The following OLFM1 variants were observed in gnomAD, a reference collection of about 807,000 sequenced individuals.
OLFM1 encodes noelin.
Under a neutral mutation model 49.7 loss-of-function variants are expected in OLFM1, and 9 were observed. That is an observed-to-expected ratio of 0.18 (90% CI 0.11 to 0.32). The LOEUF is 0.32. Ranked by LOEUF, OLFM1 falls within the 10% of genes least tolerant of loss-of-function variation. OLFM1 has a pLI of 1.00. For missense variants in OLFM1, 369 were observed against 661.8 expected, an observed-to-expected ratio of 0.56 and a Z score of 4.85; for synonymous variants, 240 against 271.8, an observed-to-expected ratio of 0.88 and a Z score of 1.15.
chr9:135,114,608 G>A (rs932485124), intron 5 of OLFM1, among the ~76,000 whole-genome samples: 5 of 151,942 alleles, frequency 3.3e-5, no homozygotes, highest in East Asian at 1.9e-4. Flanking sequence ...GGATGGGGAC[G>A]GGGTGGAGGG....
intron 2 of OLFM1, among the ~76,000 whole-genome samples, chr9:135,091,531 AGT>A (rs1564270415): frequency 1.3e-5 from 2 of 149,306 alleles, no homozygotes; most frequent in South Asian, 2.2e-4. Flanking sequence ...ATAGTCACAC[AGT>A]CACACTCACA....
At chr9:135,092,541 T>TCTG (rs1376440858) in intron 2 of OLFM1, among the ~76,000 whole-genome samples, 3 of 152,208 alleles carry the variant, frequency 2.0e-5, no homozygotes, top group Non-Finnish European at 4.4e-5. Context: ...AGCCTTTAAT[T>TCTG]ATTCAGAAGC....
chr9:135,119,594 C>T lies in OLFM1; in HGVS notation c.874C>T (p.His292Tyr), dbSNP rs1040981194. The T allele has an allele frequency of 9.9e-6, 16 of 1,614,046 alleles. No individual in the cohort carries two copies. Among genetic ancestry groups the T allele is most frequent in the African/African-American group, 1.3e-5 (1 of 74,934 alleles). ...DFMNTDNFTS[H>Y]RLPHPWSGTG... ...CATGAACACGGACAATTTCACCTCC[C>T]ACCGTCTCCCCCACCCCTGGTCGGG... Residue 292 changes from histidine (H) to tyrosine (Y), a missense_variant, in exon 6 of 6, where the codon CAC becomes TAC. By Grantham distance (83) the His-to-Tyr change is moderately conservative. Around this residue, in one of 3 missense-constraint regions of OLFM1, gnomAD observed 294 missense variants for 567.5 expected, o/e 0.52. Coordinates refer to ENST00000371793, the MANE Select transcript of OLFM1 (RefSeq NM_001282611.2).
intron 4 of OLFM1, among the ~76,000 whole-genome samples, chr9:135,101,448 C>T (rs550312811): frequency 1.3e-5 from 2 of 152,366 alleles, no homozygotes; most frequent in South Asian, 4.1e-4. Flanking sequence ...AAGCCCAGAA[C>T]ATACTCAGAA....
chr9:135,075,867 C>T, intron 1 of OLFM1: 1 of 1,502,978 alleles, frequency 6.7e-7, no homozygotes, highest in Non-Finnish European at 8.9e-7. Flanking sequence ...GGGAGCCCCA[C>T]AAAGTCCGGG....
chr9:135,075,657 G>GCGCGTC, exon 1 of OLFM1: 5 of 1,381,374 alleles, frequency 3.6e-6, no homozygotes, highest in Non-Finnish European at 4.9e-6. Flanking sequence ...CAGAGCCGGA[G>GCGCGTC]CGCGTCCGCG....
intron 5 of OLFM1, among the ~76,000 whole-genome samples, chr9:135,110,611 C>T (rs574944750): frequency 6.4e-4 from 97 of 152,308 alleles, no homozygotes; most frequent in African/African-American, 2.2e-3. Flanking sequence ...ATCCGCCCGC[C>T]GCCAGTGGTG....
At position 135,094,159 on chromosome 9, in the gene OLFM1, C is replaced by T. The variant is rs563979697; in HGVS notation, c.301-1705C>T. On this transcript the variant is annotated intron_variant, in intron 2 of 5. Coordinates refer to ENST00000371793, the MANE Select transcript of OLFM1 (RefSeq NM_001282611.2). ...CCGCCATTTGTATTGTTGCTTCCTC[C>T]GGCCATGTGGCTGCAGGAGCTACTC... Among the ~76,000 whole-genome samples the T allele has an allele frequency of 8.5e-5, 13 of 152,192 alleles. No homozygotes were observed. In the East Asian group the frequency reaches 1.7e-3, roughly 20 times the overall value.
rs1482216500 is a variant in OLFM1, at chr9:135,113,669, G to T, written c.784-5835G>T. Among the ~76,000 whole-genome samples, 1 of 152,226 alleles carries T rather than the reference G, an allele frequency of 6.6e-6. No homozygotes were observed. The highest frequency in any genetic ancestry group is 1.5e-5 in the Non-Finnish European group (1 of 68,044). On this transcript the variant is annotated intron_variant, in intron 5 of 5. Coordinates refer to ENST00000371793, the MANE Select transcript of OLFM1 (RefSeq NM_001282611.2). This position sits in a 1 kb window ranked among gnomAD's most constrained non-coding sequence, Gnocchi z 4.0. ...AGAGCAGTGCCTGGGAGGCCAGAAA[G>T]CTTTGGCAGACCCACGGTGTGCCCT...
At chr9:135,095,322 C>G (rs1022164819) in intron 2 of OLFM1, 10 of 152,626 alleles carry the variant, frequency 6.6e-5, no homozygotes, top group African/African-American at 2.2e-4. Flanking sequence ...GAGCAGCTCC[C>G]TTGTTCCTTC....
Position 135,120,202 on chromosome 9 carries a change from G to T in OLFM1, c.*24G>T. 1 of 1,580,148 alleles carries T rather than the reference G, an allele frequency of 6.3e-7. No individual in the cohort carries two copies. Among genetic ancestry groups the T allele is most frequent in the Non-Finnish European group, 8.6e-7 (1 of 1,163,000 alleles). On this transcript the variant is annotated 3_prime_UTR_variant, in exon 6 of 6. Coordinates refer to ENST00000371793, the MANE Select transcript of OLFM1 (RefSeq NM_001282611.2). ...AGCTCCCTCCTCCTGGAAGCCAAGGGCCCACGTCCTCACCACAAAGGGACT... is the reference window on the plus strand; with the variant it reads ...AGCTCCCTCCTCCTGGAAGCCAAGGTCCCACGTCCTCACCACAAAGGGACT...
chr9:135,111,014 T>C (rs1831015068), intron 5 of OLFM1, among the ~76,000 whole-genome samples: 1 of 152,202 alleles, frequency 6.6e-6, no homozygotes, highest in South Asian at 2.1e-4. Flanking sequence ...AGCTCTACCC[T>C]GAACCGAGAG....
rs1449309258 is a variant in OLFM1 at position 135,091,843 on chromosome 9, ACT to A, written c.300+1501_300+1502del. On this transcript the variant is annotated intron_variant, in intron 2 of 5. Coordinates refer to ENST00000371793, the MANE Select transcript of OLFM1 (RefSeq NM_001282611.2). ...CACACACACTCACAGTCACACACAC[ACT>A]CACACATAGTCACACACACTCACAC... Among the ~76,000 whole-genome samples, 31 of 139,932 alleles carry A rather than the reference ACT, an allele frequency of 2.2e-4. No individual in the cohort carries two copies. The South Asian group carries it at 3.0e-3, about 13-fold the overall frequency. The allele number at this position is 139,932 out of a possible 152,430, so 91.8% of individuals were successfully genotyped here. A position where few individuals can be genotyped will look rare whatever the true frequency, so the allele number is the denominator to read the frequency against.
chr9:135,097,428 G>C (rs1830815020), intron 3 of OLFM1, among the ~76,000 whole-genome samples: 1 of 152,172 alleles, frequency 6.6e-6, no homozygotes, highest in Non-Finnish European at 1.5e-5. Context: ...CTTCTCTGCG[G>C]CCAGCAGACT....
At chr9:135,091,660 C>CACAG in intron 2 of OLFM1, among the ~76,000 whole-genome samples, 1 of 146,582 alleles carries the variant, frequency 6.8e-6, no homozygotes, top group Admixed American at 6.7e-5. Flanking sequence ...TAGTCACACA[C>CACAG]ACACAGTCAC....
chr9:135,085,231 C>G (rs142740314), upstream of OLFM1, among the ~76,000 whole-genome samples: 1 of 152,172 alleles, frequency 6.6e-6, no homozygotes. Flanking sequence ...GTCCTTCCCA[C>G]GAGCGTGGAA....
At chr9:135,104,186 C>T (rs78382118) in intron 4 of OLFM1, among the ~76,000 whole-genome samples, 1 of 152,040 alleles carries the variant, frequency 6.6e-6, no homozygotes, top group African/African-American at 2.4e-5. Flanking sequence ...AGGAAGGGCA[C>T]GTCTTTAGGG....
At chr9:135,100,107 T>C (rs1461630888) in intron 4 of OLFM1, among the ~76,000 whole-genome samples, 2 of 152,198 alleles carry the variant, frequency 1.3e-5, no homozygotes, top group Non-Finnish European at 2.9e-5. Context: ...GTTGTTGTTA[T>C]GTATTTCCCC....
Position 135,098,112 on chromosome 9 carries a change from G to T in OLFM1, c.457-174G>T. ...ATAAAGACCTTTCCCAAATATGCTG[G>T]TGTTCTGAGGACTGTTTAATATGCT... On this transcript the variant is annotated intron_variant, in intron 3 of 5. Coordinates refer to ENST00000371793, the MANE Select transcript of OLFM1 (RefSeq NM_001282611.2). The surrounding 1 kb of genome is among the most constrained non-coding windows in gnomAD (Gnocchi z 5.6). 7.0e-7 allele frequency: 1 copy of T among 1,433,424 alleles called. No homozygotes were observed. The highest frequency in any genetic ancestry group is 9.1e-7 in the Non-Finnish European group (1 of 1,100,400). 88.8% of individuals were successfully genotyped at this position (1,433,424 alleles called of 1,614,324 possible). A position where few individuals can be genotyped will look rare whatever the true frequency, so the allele number is the denominator to read the frequency against.
Sources: gnomAD v4.1 joint callset for allele counts (sites outside exome capture counted in the v4.1 genomes callset) on GRCh38, gnomAD v4.1.1 for gene constraint, gnomAD v4.1.1 regional missense constraint, Gnocchi (gnomAD v3.1) non-coding constraint, MANE v1.5 for transcripts, NCBI Gene and HGNC (gene_info 2026-07-23, HGNC 2026-07-21) for gene names.